The following SCRG1 variants were observed in gnomAD, a reference collection of about 807,000 sequenced individuals.
SCRG1 encodes the protein scrapie-responsive protein 1.
SCRG1 carries 3 observed loss-of-function variants against 7.7 expected under a neutral mutation model. The ratio of observed to expected loss-of-function variants is 0.39; its 90% confidence interval spans 0.18 to 1.01. SCRG1 has a LOEUF of 1.01. Ranked by LOEUF, SCRG1 falls within the 50% of genes least tolerant of loss-of-function variation. SCRG1 has a pLI of 0.36. For missense variants in SCRG1, 110 were observed against 117.2 expected (o/e 0.94, Z 0.28); for synonymous variants, 46 against 41.2 (o/e 1.12, Z -0.44).
intron 1 of SCRG1, among the ~76,000 whole-genome samples, chr4:173,405,185 G>T (rs1178123959): frequency 1.3e-5 from 2 of 152,216 alleles, no homozygotes; most frequent in East Asian, 3.9e-4. Flanking sequence ...TGATGACTTT[G>T]ACCGTTTTGA....
the SCRG1 span, among the ~76,000 whole-genome samples, chr4:173,429,003 G>T: frequency 6.6e-6 from 1 of 152,002 alleles, no homozygotes; most frequent in Non-Finnish European, 1.5e-5. Flanking sequence ...TGTATTGTTG[G>T]GTTTGACTAA....
the SCRG1 span, among the ~76,000 whole-genome samples, chr4:173,411,972 C>G: frequency 5.9e-5 from 9 of 152,284 alleles, no homozygotes; most frequent in Middle Eastern, 3.4e-3. Flanking sequence ...TCTGTGTACC[C>G]AGAGTACTTT....
the SCRG1 span, among the ~76,000 whole-genome samples, chr4:173,437,315 C>A: frequency 1.3e-5 from 2 of 152,258 alleles, no homozygotes; most frequent in South Asian, 2.1e-4. Flanking sequence ...GTGTGGGCAT[C>A]CTTTCTAATT....
chr4:173,388,398 G>C lies in SCRG1; in HGVS notation c.243-3C>G. 1 of 1,605,978 alleles carries C rather than the reference G, an allele frequency of 6.2e-7. No individual in the cohort carries two copies. The highest frequency in any genetic ancestry group is 2.2e-5 in the East Asian group (1 of 44,674). ...TCTTTGGTCCAAAGAAAACGTCTCT[G>C]AAAGAAAATAGAGCATCAATTAAAT... is the stretch of plus-strand genomic sequence containing the variant. On this transcript the variant is annotated splice_polypyrimidine_tract_variant and splice_region_variant and intron_variant, in intron 2 of 2. Transcript: ENST00000296506.
chr4:173,399,992 G>T (rs1026307330), upstream of SCRG1, among the ~76,000 whole-genome samples: 4 of 152,188 alleles, frequency 2.6e-5, no homozygotes, highest in Non-Finnish European at 4.4e-5. Context: ...GGTGGTAGGA[G>T]ATGAAATTTG....
upstream of SCRG1, among the ~76,000 whole-genome samples, chr4:173,401,465 T>G (rs1029739083): frequency 1.3e-5 from 2 of 152,218 alleles, no homozygotes; most frequent in Non-Finnish European, 1.5e-5. Flanking sequence ...CAACATTCCC[T>G]GTAGATGGAT....
At chr4:173,440,423 T>C in the SCRG1 span, among the ~76,000 whole-genome samples, 2 of 152,234 alleles carry the variant, frequency 1.3e-5, no homozygotes, top group East Asian at 1.9e-4. Flanking sequence ...TTGAATTTTG[T>C]TGGACATTTG....
At chr4:173,401,309 G>A (rs1739756384), upstream of SCRG1, among the ~76,000 whole-genome samples, 1 of 152,204 alleles carries the variant, frequency 6.6e-6, no homozygotes, top group Non-Finnish European at 1.5e-5. Flanking sequence ...ATACACAGAT[G>A]GAGTTAATTT....
the SCRG1 span, among the ~76,000 whole-genome samples, chr4:173,495,890 A>G: frequency 6.6e-6 from 1 of 152,216 alleles, no homozygotes; most frequent in South Asian, 2.1e-4. Context: ...CCTGAAGGAT[A>G]TATACTCCAC....
At chr4:173,476,151 A>C in the SCRG1 span, among the ~76,000 whole-genome samples, 1 of 151,634 alleles carries the variant, frequency 6.6e-6, no homozygotes, top group Non-Finnish European at 1.5e-5. Flanking sequence ...AGAGGAGCTG[A>C]CGTTGAAAGC....
upstream of SCRG1, among the ~76,000 whole-genome samples, chr4:173,401,410 T>TC (rs1171028565): frequency 6.6e-6 from 1 of 152,178 alleles, no homozygotes; most frequent in African/African-American, 2.4e-5. Flanking sequence ...ATCCGTCCTG[T>TC]TTACCTCAGG....
At chr4:173,493,622 A>G in the SCRG1 span, among the ~76,000 whole-genome samples, 1 of 151,854 alleles carries the variant, frequency 6.6e-6, no homozygotes, top group African/African-American at 2.4e-5. Context: ...GTCAGAAAAA[A>G]AAAAAAAAAA....
the SCRG1 span, among the ~76,000 whole-genome samples, chr4:173,451,443 C>T: frequency 1.3e-4 from 19 of 151,548 alleles, no homozygotes; most frequent in Non-Finnish European, 1.5e-5. Flanking sequence ...TATTCTGTCA[C>T]AGAGCTTTAG....
At chr4:173,440,156 A>G in the SCRG1 span, among the ~76,000 whole-genome samples, 1 of 152,222 alleles carries the variant, frequency 6.6e-6, no homozygotes, top group African/African-American at 2.4e-5. Context: ...TTCACACACA[A>G]CTGCTTAGGG....
intron 1 of SCRG1, among the ~76,000 whole-genome samples, chr4:173,392,044 T>C (rs1272113148): frequency 6.6e-6 from 1 of 152,234 alleles, no homozygotes; most frequent in Non-Finnish European, 1.5e-5. Flanking sequence ...TTTAAGGTGG[T>C]ATAAACTCAG....
the SCRG1 span, among the ~76,000 whole-genome samples, chr4:173,430,806 C>CAAAAAA: frequency 1.7e-5 from 1 of 59,104 alleles, no homozygotes; most frequent in African/African-American, 7.1e-5. Context: ...GACCCTGTCT[C>CAAAAAA]AAAAAAAAAA....
chr4:173,391,492 TG>T, intron 1 of SCRG1, 64 bp from the exon 2 acceptor site: 1 of 1,530,750 alleles, frequency 6.5e-7, no homozygotes, highest in Non-Finnish European at 9.0e-7. Flanking sequence ...TTCATCTGAA[TG>T]AAGTTCTGTA....
upstream of SCRG1, among the ~76,000 whole-genome samples, chr4:173,406,821 A>C (rs184876857): frequency 6.6e-6 from 1 of 152,192 alleles, no homozygotes. Context: ...TCTTTTTATC[A>C]CTGAATAATA....
the SCRG1 span, among the ~76,000 whole-genome samples, chr4:173,452,318 A>T: frequency 6.6e-6 from 1 of 152,162 alleles, no homozygotes; most frequent in Non-Finnish European, 1.5e-5. Flanking sequence ...AGAGGTCTTC[A>T]TCCTCTTTAT....
Sources: gnomAD v4.1 joint callset for allele counts (sites outside exome capture counted in the v4.1 genomes callset) on GRCh38, gnomAD v4.1.1 for gene constraint, MANE v1.5 for transcripts, NCBI Gene and HGNC (gene_info 2026-07-23, HGNC 2026-07-21) for gene names.